The following SND1 variants were observed in gnomAD, a reference collection of about 807,000 sequenced individuals.
SND1 encodes staphylococcal nuclease domain-containing protein 1.
A neutral mutation model predicts 121.7 loss-of-function variants in SND1; 38 were observed. The observed-to-expected ratio is 0.31, with a 90% CI of 0.24 to 0.41. The LOEUF (loss-of-function observed/expected upper bound fraction) is 0.41, where lower values mean the gene tolerates loss of function less well. Ranked by LOEUF, SND1 falls within the 10% of genes least tolerant of loss-of-function variation. The probability of loss-of-function intolerance (pLI) is 1.00; values close to 1 mark genes in which losing one functional copy is unlikely to be tolerated. For synonymous variants in SND1, 401 were observed against 447.4 expected (o/e 0.90, Z 1.31); for missense variants, 868 against 1,184.6 (o/e 0.73, Z 3.92).
chr7:127,727,029 C>T (rs1796593588), intron 10 of SND1, among the ~76,000 whole-genome samples: 2 of 152,228 alleles, frequency 1.3e-5, no homozygotes, highest in South Asian at 2.1e-4. Flanking sequence ...TCACCCCCTG[C>T]TACCAGCCTC....
intron 16 of SND1, among the ~76,000 whole-genome samples, chr7:128,018,143 T>A (rs3757760): frequency 6.6e-6 from 1 of 152,136 alleles, no homozygotes. Flanking sequence ...CACCGCCTTA[T>A]GGGAAAGTCC....
chr7:127,701,190 T>G lies in SND1; in HGVS notation c.456T>G (p.Cys152Trp), dbSNP rs144408630. ...NNPEQNRLSE[C>W]EEQAKAAKKG... is the part of the protein sequence containing the mutation. ...CTGAGCAGAACCGGCTTTCAGAATG[T>G]GAAGAACAAGCAAAGGCAGCCAAGA... Residue 152 changes from cysteine (C) to tryptophan (W), a missense_variant, in exon 5 of 24, where the codon TGT (cysteine) becomes TGG (tryptophan). Transcript: ENST00000354725. The G allele has an allele frequency of 1.1e-4, 185 of 1,613,930 alleles. 2 individuals carry two copies. In the African/African-American group the frequency reaches 1.9e-3, roughly 16 times the overall value.
chr7:128,013,732 T>C (rs1803163521), intron 16 of SND1, among the ~76,000 whole-genome samples: 1 of 152,224 alleles, frequency 6.6e-6, no homozygotes, highest in Non-Finnish European at 1.5e-5. Flanking sequence ...CCTATGAGAC[T>C]GTAATGCCAC....
rs544558541 is a variant in SND1 at position 127,666,626 on chromosome 7, G to A, written c.78+14175G>A. Among the ~76,000 whole-genome samples, 56 of 152,202 alleles carry A rather than the reference G, an allele frequency of 3.7e-4. 1 individual carries two copies. Among genetic ancestry groups the A allele is most frequent in the Non-Finnish European group, 6.8e-4 (46 of 68,006 alleles). On this transcript the variant is annotated intron_variant, in intron 1 of 23. Coordinates refer to ENST00000354725, the MANE Select transcript of SND1 (RefSeq NM_014390.4). ...AAAAGGTGTGGACAATCACAGAGCT[G>A]CGCTTTAGTGATAGCATAGGGAAGG...
At chr7:127,976,304 A>G (rs6952734) in intron 15 of SND1, among the ~76,000 whole-genome samples, 8,982 of 152,334 alleles carry the variant, frequency 0.059, 779 homozygotes, top group African/African-American at 0.19. Context: ...TGCGGAGCAC[A>G]CTGGAGCAGC....
At chr7:127,768,380 G>A (rs994853829) in intron 10 of SND1, among the ~76,000 whole-genome samples, 1 of 152,200 alleles carries the variant, frequency 6.6e-6, no homozygotes, top group Non-Finnish European at 1.5e-5. Context: ...GGTATGCTCA[G>A]TGACTCAGAA....
chr7:127,775,095 A>G (rs1307218746), intron 10 of SND1, among the ~76,000 whole-genome samples: 2 of 152,228 alleles, frequency 1.3e-5, no homozygotes, highest in Non-Finnish European at 2.9e-5. Flanking sequence ...CAGAGGGAAG[A>G]GAGCATGTGA....
chr7:127,675,638 A>C (rs749010362), intron 1 of SND1, among the ~76,000 whole-genome samples: 1 of 152,162 alleles, frequency 6.6e-6, no homozygotes, highest in Non-Finnish European at 1.5e-5. Flanking sequence ...TAATAGCCTG[A>C]GTACTTGACC....
chr7:127,918,984 C>T (rs1800644421), intron 14 of SND1, among the ~76,000 whole-genome samples: 1 of 152,042 alleles, frequency 6.6e-6, no homozygotes, highest in African/African-American at 2.4e-5. Context: ...TGCCATTTTT[C>T]TCCATGTTAG....
At chr7:127,911,199 T>A (rs1225960782) in intron 14 of SND1, among the ~76,000 whole-genome samples, 1 of 152,210 alleles carries the variant, frequency 6.6e-6, no homozygotes, top group Non-Finnish European at 1.5e-5. Context: ...CTAGTTGGAC[T>A]ACAATGTACA....
chr7:127,946,041 A>G (rs1028071570), intron 15 of SND1, among the ~76,000 whole-genome samples: 2 of 152,196 alleles, frequency 1.3e-5, no homozygotes, highest in African/African-American at 2.4e-5. Context: ...GTACTCTCTT[A>G]TTGGCTAGGA....
At chr7:127,715,482 C>A (rs1796370555) in intron 9 of SND1, among the ~76,000 whole-genome samples, 1 of 152,132 alleles carries the variant, frequency 6.6e-6, no homozygotes, top group African/African-American at 2.4e-5. Flanking sequence ...TACTCTCCCC[C>A]AGCTCTAGGA....
At chr7:127,900,834 G>T (rs1212032473) in intron 13 of SND1, among the ~76,000 whole-genome samples, 1 of 152,214 alleles carries the variant, frequency 6.6e-6, no homozygotes, top group East Asian at 1.9e-4. Context: ...TGCTGTCTTT[G>T]TACTGCTGCA....
intron 11 of SND1, among the ~76,000 whole-genome samples, chr7:127,819,104 A>C (rs956632178): frequency 6.6e-6 from 1 of 152,224 alleles, no homozygotes; most frequent in African/African-American, 2.4e-5. Flanking sequence ...TAGGGAGAGA[A>C]TGTAAGCAAA....
intron 3 of SND1, among the ~76,000 whole-genome samples, chr7:127,697,629 C>A (rs1796029105): frequency 6.6e-6 from 1 of 152,090 alleles, no homozygotes; most frequent in Non-Finnish European, 1.5e-5. Context: ...GTAACCTCAA[C>A]AGAAAGGGTC....
At chr7:128,028,925 G>T in intron 16 of SND1, 1 of 1,611,000 alleles carries the variant, frequency 6.2e-7, no homozygotes, top group Non-Finnish European at 8.5e-7. Context: ...GGATGTCTTC[G>T]TCCACCTGGA....
intron 3 of SND1, among the ~76,000 whole-genome samples, chr7:127,696,515 G>A (rs1166130066): frequency 2.0e-5 from 3 of 152,136 alleles, no homozygotes. Context: ...GAAAAGAAGT[G>A]TACTATCTTC....
At chr7:127,806,794 A>G (rs749222818) in intron 10 of SND1, among the ~76,000 whole-genome samples, 8 of 152,118 alleles carry the variant, frequency 5.3e-5, no homozygotes, top group Non-Finnish European at 1.2e-4. Context: ...CCCCATCTCT[A>G]CTAAAAATAC....
chr7:127,889,268 C>G (rs139435861), intron 13 of SND1, among the ~76,000 whole-genome samples: 103 of 152,012 alleles, frequency 6.8e-4, no homozygotes, highest in Non-Finnish European at 1.2e-3. Flanking sequence ...CTCTCCCTAC[C>G]TATATTATCA....
Sources: gnomAD v4.1 joint callset for allele counts (sites outside exome capture counted in the v4.1 genomes callset) on GRCh38, gnomAD v4.1.1 for gene constraint, MANE v1.5 for transcripts, NCBI Gene and HGNC (gene_info 2026-07-23, HGNC 2026-07-21) for gene names.